The following RCAN2 variants were observed in gnomAD, a reference collection of about 807,000 sequenced individuals.
RCAN2 encodes calcipressin-2.
A neutral mutation model predicts 23.6 loss-of-function variants in RCAN2; 9 were observed. The observed-to-expected ratio is 0.38, with a 90% CI of 0.23 to 0.67. The LOEUF (loss-of-function observed/expected upper bound fraction) is 0.67. Among genes scored for constraint, RCAN2 ranks in the 30% least tolerant of loss-of-function variants. RCAN2 has a pLI of 0.51. For synonymous variants in RCAN2, 109 were observed against 115.7 expected, an observed-to-expected ratio of 0.94 and a Z score of 0.37; for missense variants, 273 against 302.3, an observed-to-expected ratio of 0.90 and a Z score of 0.72.
intron 2 of RCAN2, among the ~76,000 whole-genome samples, chr6:46,380,922 C>A (rs1765601834): frequency 1.3e-5 from 2 of 152,064 alleles, no homozygotes; most frequent in Non-Finnish European, 1.5e-5. Context: ...AGTTAATCAG[C>A]AGATCAGTGC....
In RCAN2 at chr6:46,246,919, C is replaced by A; in HGVS notation, c.400G>T (p.Val134Phe). 1 of 1,547,300 alleles carries A rather than the reference C, an allele frequency of 6.5e-7. No individual in the cohort carries two copies. Among genetic ancestry groups the A allele is most frequent in the South Asian group, 1.2e-5 (1 of 81,540 alleles). Residue 134 changes from valine (V) to phenylalanine (F), a missense_variant and splice_region_variant, in exon 4 of 5, where the codon GTT (valine) becomes TTT (phenylalanine). Transcript: ENST00000371374. ...TCTCCATCTGTCTCTGGAGTCTGAA[C>A]CTTTCAAATAGAGTAGAGATGAAGA... ...GKKLKLYFAQ[V>F]QTPETDGDKL...
intron 2 of RCAN2, among the ~76,000 whole-genome samples, chr6:46,358,818 T>C (rs1238455241): frequency 1.3e-5 from 2 of 152,152 alleles, no homozygotes; most frequent in East Asian, 3.9e-4. Context: ...ATGCCCAGGC[T>C]ACACCCTGGG....
chr6:46,256,231 G>A (rs911742454), intron 2 of RCAN2, among the ~76,000 whole-genome samples: 8 of 152,082 alleles, frequency 5.3e-5, no homozygotes, highest in African/African-American at 1.2e-4. Flanking sequence ...TTAGCTGGGC[G>A]TGGTGGCACA....
At chr6:46,325,295 A>G in intron 2 of RCAN2, 1 of 1,367,620 alleles carries the variant, frequency 7.3e-7, no homozygotes, top group Non-Finnish European at 1.0e-6. Context: ...CTATGAGCTG[A>G]AAACTATTAA....
At chr6:46,404,200 C>A (rs1766336312) in intron 2 of RCAN2, among the ~76,000 whole-genome samples, 1 of 149,500 alleles carries the variant, frequency 6.7e-6, no homozygotes, top group Non-Finnish European at 1.5e-5. Flanking sequence ...CCAGGGTGGG[C>A]AACAGAGTAA....
chr6:46,396,255 C>A (rs1766085086), intron 2 of RCAN2, among the ~76,000 whole-genome samples: 1 of 152,068 alleles, frequency 6.6e-6, no homozygotes, highest in African/African-American at 2.4e-5. Flanking sequence ...GTGATGGGAC[C>A]AAGCACAGGT....
chr6:46,413,595 T>C (rs1393807918), intron 2 of RCAN2, among the ~76,000 whole-genome samples: 2 of 152,200 alleles, frequency 1.3e-5, no homozygotes, highest in East Asian at 1.9e-4. Flanking sequence ...CCTGTACGAG[T>C]ATATGATCTT....
chr6:46,229,790 T>C (rs1390077920), intron 4 of RCAN2, among the ~76,000 whole-genome samples: 1 of 152,220 alleles, frequency 6.6e-6, no homozygotes, highest in Non-Finnish European at 1.5e-5. Context: ...TCAAAGTCAT[T>C]CTCCATCCAG....
At chr6:46,425,160 T>G (rs749820445) in intron 2 of RCAN2, among the ~76,000 whole-genome samples, 2 of 152,224 alleles carry the variant, frequency 1.3e-5, no homozygotes, top group Non-Finnish European at 2.9e-5. Flanking sequence ...AACTTTGTGG[T>G]CTTAGAGATC....
chr6:46,466,232 C>A (rs1029499191), intron 1 of RCAN2, among the ~76,000 whole-genome samples: 3 of 152,200 alleles, frequency 2.0e-5, no homozygotes, highest in Non-Finnish European at 4.4e-5. Context: ...AAGAACGTTG[C>A]TATGGTAGCC....
chr6:46,237,591 C>G (rs894184366), intron 4 of RCAN2, among the ~76,000 whole-genome samples: 1 of 152,140 alleles, frequency 6.6e-6, no homozygotes, highest in African/African-American at 2.4e-5. Flanking sequence ...CAATCCTGGG[C>G]AGGCTTTAAT....
intron 2 of RCAN2, among the ~76,000 whole-genome samples, chr6:46,363,438 T>G (rs1330078357): frequency 6.6e-6 from 1 of 152,116 alleles, no homozygotes; most frequent in Non-Finnish European, 1.5e-5. Flanking sequence ...AAATGTATTT[T>G]TTTTCTTACA....
intron 1 of RCAN2, among the ~76,000 whole-genome samples, chr6:46,484,488 C>T (rs950977854): frequency 3.6e-4 from 55 of 152,248 alleles, no homozygotes; most frequent in African/African-American, 1.3e-3. Context: ...AAATAAGTGC[C>T]CATATTTGCT....
chr6:46,284,197 A>G (rs1762296543), intron 2 of RCAN2, among the ~76,000 whole-genome samples: 1 of 152,184 alleles, frequency 6.6e-6, no homozygotes, highest in African/African-American at 2.4e-5. Context: ...AAATATGGTG[A>G]AAGGTTAAGA....
chr6:46,457,767 C>T (rs1410474610), intron 1 of RCAN2, among the ~76,000 whole-genome samples: 1 of 152,210 alleles, frequency 6.6e-6, no homozygotes, highest in Non-Finnish European at 1.5e-5. Flanking sequence ...CTATCTTGAT[C>T]AATCCATGGT....
At chr6:46,326,934 T>C (rs1763811988) in intron 2 of RCAN2, among the ~76,000 whole-genome samples, 1 of 152,206 alleles carries the variant, frequency 6.6e-6, no homozygotes, top group Admixed American at 6.5e-5. Context: ...AATATGGATA[T>C]TTAGACTGAT....
At chr6:46,305,129 A>G (rs953158657) in intron 2 of RCAN2, among the ~76,000 whole-genome samples, 4 of 152,188 alleles carry the variant, frequency 2.6e-5, no homozygotes, top group Admixed American at 1.3e-4. Context: ...CTCACTTCAC[A>G]TCAGTGCCTG....
intron 2 of RCAN2, among the ~76,000 whole-genome samples, chr6:46,294,889 A>C (rs1195077639): frequency 6.6e-6 from 1 of 152,196 alleles, no homozygotes; most frequent in Non-Finnish European, 1.5e-5. Context: ...TAACATTTTT[A>C]AAAGGAAATA....
chr6:46,376,508 C>A (rs192964473), intron 2 of RCAN2, among the ~76,000 whole-genome samples: 1 of 152,066 alleles, frequency 6.6e-6, no homozygotes, highest in African/African-American at 2.4e-5. Context: ...GGTAAAACCC[C>A]GTCTCTACTA....
Sources: allele counts gnomAD v4.1 joint callset (sites outside exome capture counted in the v4.1 genomes callset), GRCh38; gene constraint gnomAD v4.1.1; transcripts MANE v1.5; gene names NCBI Gene and HGNC (gene_info 2026-07-23, HGNC 2026-07-21).